The following RGS6 variants were observed in gnomAD, a reference collection of about 807,000 sequenced individuals.
The protein encoded by RGS6 is regulator of G-protein signaling 6.
A neutral mutation model predicts 78.5 loss-of-function variants in RGS6; 30 were observed. The observed-to-expected ratio is 0.38, with a 90% confidence interval of 0.29 to 0.52. The LOEUF (loss-of-function observed/expected upper bound fraction) is 0.52, where lower values mean the gene tolerates loss of function less well. Among genes scored for constraint, RGS6 ranks in the 20% least tolerant of loss-of-function variants. The pLI is 0.85. For synonymous variants in RGS6, 206 were observed against 206.0 expected, an observed-to-expected ratio of 1.00 and a Z score of 0.00; for missense variants, 495 against 609.7, an observed-to-expected ratio of 0.81 and a Z score of 1.98.
chr14:72,527,208 T>C (rs946387633), intron 15 of RGS6, among the ~76,000 whole-genome samples: 2 of 152,202 alleles, frequency 1.3e-5, no homozygotes, highest in African/African-American at 2.4e-5. Context: ...CAAAAGGGAA[T>C]TGTAAGCAGT....
chr14:72,407,136 A>G (rs925912916), intron 3 of RGS6, among the ~76,000 whole-genome samples: 21 of 152,330 alleles, frequency 1.4e-4, no homozygotes, highest in African/African-American at 5.1e-4. Context: ...TTCTAATACC[A>G]AGACCCTAGG....
intron 4 of RGS6, among the ~76,000 whole-genome samples, chr14:72,455,162 G>A (rs1051466246): frequency 6.7e-6 from 1 of 149,436 alleles, no homozygotes; most frequent in African/African-American, 2.5e-5. Flanking sequence ...TGGGGGGGGT[G>A]TTCCAGAAAA....
At chr14:72,185,263 C>T (rs574886390) in intron 2 of RGS6, among the ~76,000 whole-genome samples, 2 of 152,092 alleles carry the variant, frequency 1.3e-5, no homozygotes, top group Non-Finnish European at 2.9e-5. Flanking sequence ...AGTCCACTGA[C>T]TCAAATGTTA....
intron 2 of RGS6, among the ~76,000 whole-genome samples, chr14:72,214,194 T>TC (rs71109727): frequency 6.7e-6 from 1 of 148,546 alleles, no homozygotes; most frequent in Non-Finnish European, 1.5e-5. Flanking sequence ...TTTTTTTTTT[T>TC]CACTGGGGTC....
At chr14:72,539,182 G>A (rs1255671652) in intron 16 of RGS6, among the ~76,000 whole-genome samples, 1 of 152,218 alleles carries the variant, frequency 6.6e-6, no homozygotes, top group Admixed American at 6.5e-5. Context: ...GTAGTAGAGG[G>A]AGGCTAGGCC....
At chr14:72,081,255 T>A (rs566373133) in intron 2 of RGS6, among the ~76,000 whole-genome samples, 1 of 152,086 alleles carries the variant, frequency 6.6e-6, no homozygotes, top group African/African-American at 2.4e-5. Context: ...CTAAGTACTT[T>A]ATTTATTTAT....
At chr14:72,435,397 G>T (rs1011535559) in intron 3 of RGS6, among the ~76,000 whole-genome samples, 9 of 152,066 alleles carry the variant, frequency 5.9e-5, no homozygotes, top group Non-Finnish European at 1.5e-5. Context: ...TGAGCACCTT[G>T]TTGCCCAGAA....
intron 3 of RGS6, 115 bp from the exon 4 acceptor site, chr14:72,454,410 TATC>T (rs2095576852): frequency 1.9e-6 from 2 of 1,047,478 alleles, no homozygotes; most frequent in Admixed American, 3.5e-5. Context: ...GTGCCCATAT[TATC>T]CTGCTCTACA....
intron 2 of RGS6, among the ~76,000 whole-genome samples, chr14:72,169,665 G>A (rs1045056788): frequency 6.6e-6 from 1 of 152,138 alleles, no homozygotes; most frequent in African/African-American, 2.4e-5. Flanking sequence ...TCCTGGGCAC[G>A]TAGCTGGCCT....
At chr14:72,280,313 G>A (rs960069126) in intron 2 of RGS6, among the ~76,000 whole-genome samples, 2 of 152,080 alleles carry the variant, frequency 1.3e-5, no homozygotes, top group African/African-American at 4.8e-5. Context: ...AATCAACAAG[G>A]CTTGTTTTAG....
intron 2 of RGS6, among the ~76,000 whole-genome samples, chr14:72,324,058 C>T (rs963055797): frequency 1.3e-5 from 2 of 151,930 alleles, no homozygotes; most frequent in Admixed American, 1.3e-4. Context: ...ACTGTACTCT[C>T]TCGTTATTCT....
chr14:71,944,276 C>G (rs2091129847), intron 1 of RGS6, among the ~76,000 whole-genome samples: 1 of 152,038 alleles, frequency 6.6e-6, no homozygotes, highest in Admixed American at 6.6e-5. Flanking sequence ...AAATCAAAGT[C>G]CTTTAAGAGA....
At chr14:72,319,181 A>G (rs966815413) in intron 2 of RGS6, among the ~76,000 whole-genome samples, 2 of 152,212 alleles carry the variant, frequency 1.3e-5, no homozygotes, top group Non-Finnish European at 2.9e-5. Context: ...AACACTCACT[A>G]TAGGTGATTC....
At chr14:72,035,618 G>C (rs564266431) in intron 2 of RGS6, among the ~76,000 whole-genome samples, 1 of 152,018 alleles carries the variant, frequency 6.6e-6, no homozygotes, top group Admixed American at 6.6e-5. Flanking sequence ...TTCCTTCCTA[G>C]TATTGCTTTT....
intron 2 of RGS6, among the ~76,000 whole-genome samples, chr14:72,199,638 A>G (rs2041020653): frequency 6.6e-6 from 1 of 152,202 alleles, no homozygotes; most frequent in African/African-American, 2.4e-5. Flanking sequence ...GAGATGTGAT[A>G]TGCTCTCCCC....
chr14:71,981,967 G>A (rs575436842), intron 2 of RGS6, among the ~76,000 whole-genome samples: 1 of 150,820 alleles, frequency 6.6e-6, no homozygotes, highest in Non-Finnish European at 1.5e-5. Flanking sequence ...CTCCGAGCCA[G>A]GTGTGGGATA....
intron 3 of RGS6, among the ~76,000 whole-genome samples, chr14:72,395,848 C>G (rs1187361267): frequency 3.3e-5 from 5 of 152,100 alleles, no homozygotes; most frequent in Non-Finnish European, 5.9e-5. Flanking sequence ...CATGTCCCTA[C>G]AAAGGACATG....
chr14:72,481,564 C>G (rs2096378458), intron 12 of RGS6, among the ~76,000 whole-genome samples: 2 of 152,208 alleles, frequency 1.3e-5, no homozygotes, highest in Admixed American at 6.5e-5. Flanking sequence ...CACAGAATTT[C>G]TCAGATCATC....
chr14:72,598,571 A>G, the RGS6 span, among the ~76,000 whole-genome samples: 1 of 152,190 alleles, frequency 6.6e-6, no homozygotes, highest in African/African-American at 2.4e-5. Flanking sequence ...GACCACTTTC[A>G]TCTGTCTGCG....
Sources: gnomAD v4.1 joint callset for allele counts (sites outside exome capture counted in the v4.1 genomes callset) on GRCh38, gnomAD v4.1.1 for gene constraint, MANE v1.5 for transcripts, NCBI Gene and HGNC (gene_info 2026-07-23, HGNC 2026-07-21) for gene names.